SLC12A7: variants seen among roughly 807,000 people sequenced by gnomAD.
SLC12A7 encodes solute carrier family 12 member 7, also known as K-Cl cotransporter 4.
Under a neutral mutation model 120.6 loss-of-function variants are expected in SLC12A7, and 100 were observed. That is an observed-to-expected ratio of 0.83 (90% CI 0.71 to 0.98). The LOEUF (loss-of-function observed/expected upper bound fraction) is 0.98, where lower values mean the gene tolerates loss of function less well. Ranked by LOEUF, SLC12A7 falls within the 50% of genes least tolerant of loss-of-function variation. The pLI is 0.00. For missense variants in SLC12A7, 1,373 were observed against 1,548.1 expected, an observed-to-expected ratio of 0.89 and a Z score of 1.90; for synonymous variants, 760 against 678.0, an observed-to-expected ratio of 1.12 and a Z score of -1.88.
At chr5:1,102,879 A>G (rs4314449) in intron 1 of SLC12A7, among the ~76,000 whole-genome samples, 101,506 of 151,796 alleles carry the variant, frequency 0.67, 33,998 homozygotes, top group African/African-American at 0.7. Context: ...AGCACCCCCC[A>G]CCCAACCCCA....
chr5:1,083,717 G>A (rs970354642), intron 8 of SLC12A7, 28 bp downstream of exon 8: 3 of 1,607,450 alleles, frequency 1.9e-6, no homozygotes, highest in Admixed American at 3.3e-5. Context: ...CCACCCCCCA[G>A]CTCCAGCTGC....
intron 8 of SLC12A7, 88 bp from the exon 9 acceptor site, chr5:1,081,832 C>G: frequency 1.0e-5 from 15 of 1,495,264 alleles, no homozygotes; most frequent in Non-Finnish European, 1.4e-5. Flanking sequence ...GCAGGTGCCA[C>G]TGGTGGCCGG....
Position 1,096,777 on chromosome 5 carries a change from G to GAA in SLC12A7, c.125-2530_125-2529insTT, listed in dbSNP as rs1741238575. Among the ~76,000 whole-genome samples, 36 of 10,644 alleles carry GAA rather than the reference G, an allele frequency of 3.4e-3. 1 individual carries two copies. The highest frequency in any genetic ancestry group is 0.018 in the East Asian group (2 of 114). The allele number at this position is 10,644 out of a possible 152,430, so 7.0% of individuals were successfully genotyped here. A position where few individuals can be genotyped will look rare whatever the true frequency, so the allele number is the denominator to read the frequency against. Reference sequence around the variant, plus strand: ...GGAGGGAGGAAGGAAAGGAGGGAGGGGGGGAGGGAGGGAAGGAAGGAGGGA... The same window carrying GAA: ...GGAGGGAGGAAGGAAAGGAGGGAGGGAAGGGGAGGGAGGGAAGGAAGGAGGGA... On this transcript the variant is annotated intron_variant, in intron 1 of 23. Transcript: ENST00000264930.
intron 1 of SLC12A7, 136 bp downstream of exon 1, chr5:1,111,732 G>A (rs1743024517): frequency 3.3e-6 from 3 of 919,246 alleles, no homozygotes; most frequent in South Asian, 1.1e-4. Context: ...GGGGGACCGA[G>A]AACAGGCGGT....
the SLC12A7 span, among the ~76,000 whole-genome samples, chr5:1,155,672 A>G: frequency 6.6e-6 from 1 of 150,846 alleles, no homozygotes; most frequent in Non-Finnish European, 1.5e-5. Flanking sequence ...GCGCGCACCT[A>G]CCGTAGCGGC....
chr5:1,148,811 C>A, the SLC12A7 span, among the ~76,000 whole-genome samples: 1 of 152,184 alleles, frequency 6.6e-6, no homozygotes, highest in Non-Finnish European at 1.5e-5. Context: ...ACTGCAGTCT[C>A]CTGTTTTCAG....
chr5:1,079,335 A>G, intron 10 of SLC12A7, 63 bp downstream of exon 10: 1 of 1,283,174 alleles, frequency 7.8e-7, no homozygotes, highest in South Asian at 1.2e-5. Flanking sequence ...TGAGCCGGGG[A>G]GGGCATGGGG....
At chr5:1,086,816 T>C in intron 6 of SLC12A7, 87 bp downstream of exon 6, 5 of 1,536,608 alleles carry the variant, frequency 3.3e-6, no homozygotes, top group Non-Finnish European at 4.4e-6. Context: ...CAGTGTGCTG[T>C]GTGTGCCACA....
At chr5:1,059,758 C>CG (rs1235121465) in intron 21 of SLC12A7, among the ~76,000 whole-genome samples, 1 of 107,620 alleles carries the variant, frequency 9.3e-6, no homozygotes, top group Non-Finnish European at 1.8e-5. Flanking sequence ...AGGTCTGTGT[C>CG]GGGGGGTGGG....
Position 1,050,974 on chromosome 5 carries a change from A to C in SLC12A7, c.*1386T>G. ...GCCAGACGTAGCCCAAGGCCTGGCC[A>C]TCTGGGGCCTCTAGTATATAGAAGC... On this transcript the variant is annotated 3_prime_UTR_variant, in exon 24 of 24. Coordinates refer to ENST00000264930, the MANE Select transcript of SLC12A7 (RefSeq NM_006598.3). 1 of 398,676 alleles carries C rather than the reference A, an allele frequency of 2.5e-6. No individual in the cohort carries two copies. Among genetic ancestry groups the C allele is most frequent in the Non-Finnish European group, 4.4e-6 (1 of 226,076 alleles). 24.7% of individuals were successfully genotyped at this position (398,676 alleles called of 1,614,324 possible). A position where few individuals can be genotyped will look rare whatever the true frequency, so the allele number is the denominator to read the frequency against.
At chr5:1,099,052 C>T (rs572959486) in intron 1 of SLC12A7, among the ~76,000 whole-genome samples, 1 of 152,176 alleles carries the variant, frequency 6.6e-6, no homozygotes, top group South Asian at 2.1e-4. Flanking sequence ...GGGCAGGGTC[C>T]TTGCCAGGTG....
intron 16 of SLC12A7, among the ~76,000 whole-genome samples, 164 bp downstream of exon 16, chr5:1,074,403 C>G (rs1208400694): frequency 6.6e-6 from 1 of 152,244 alleles, no homozygotes; most frequent in Non-Finnish European, 1.5e-5. Context: ...CCCCGGCCCC[C>G]AGCTGCGCCA....
chr5:1,139,828 C>T, the SLC12A7 span, among the ~76,000 whole-genome samples: 557 of 152,346 alleles, frequency 3.7e-3, 3 homozygotes, highest in African/African-American at 0.013. Context: ...TACGTCCCCA[C>T]GGTTCTGGGA....
chr5:1,155,762 G>C, the SLC12A7 span, among the ~76,000 whole-genome samples: 1 of 150,940 alleles, frequency 6.6e-6, no homozygotes, highest in African/African-American at 2.4e-5. Flanking sequence ...CCAGGCCGGG[G>C]TCGGGGGCCC....
intron 1 of SLC12A7, 65 bp from the exon 2 acceptor site, chr5:1,094,313 C>T: frequency 8.3e-7 from 1 of 1,200,810 alleles, no homozygotes; most frequent in Non-Finnish European, 1.2e-6. Flanking sequence ...AGAAGGCCAA[C>T]TACAGATCTT....
At chr5:1,107,822 G>A (rs1742646233) in intron 1 of SLC12A7, among the ~76,000 whole-genome samples, 1 of 152,164 alleles carries the variant, frequency 6.6e-6, no homozygotes, top group African/African-American at 2.4e-5. Flanking sequence ...AGTCCACGAG[G>A]CAAAGGTCTC....
intron 2 of SLC12A7, 148 bp from the exon 3 acceptor site, chr5:1,093,803 T>C (rs1201188945): frequency 1.0e-5 from 13 of 1,259,630 alleles, no homozygotes; most frequent in Non-Finnish European, 1.3e-5. Context: ...TGGACACCTG[T>C]GTGGCAGGTC....
At chr5:1,074,757 G>T in intron 15 of SLC12A7, 86 bp from the exon 16 acceptor site, 1 of 1,262,728 alleles carries the variant, frequency 7.9e-7, no homozygotes, top group Non-Finnish European at 1.1e-6. Flanking sequence ...GGGGGCAGGT[G>T]AGTTGGGGCA....
rs752196213 is a variant in SLC12A7 at position 1,111,916 on chromosome 5, C to A, written c.76G>T (p.Glu26Ter). ...GGGDETAERT[E>*]APGTPEGPEP... ...GGGCCCTCGGGGGTGCCCGGAGCCT[C>A]CGTCCGCTCGGCAGTCTCGTCCCCG... The change falls in exon 1 of 24, where the codon GAG (glutamate) becomes TAG (stop). Residue 26 changes from glutamate to a stop codon, truncating the protein, a stop_gained. Coordinates refer to ENST00000264930, the MANE Select transcript of SLC12A7 (RefSeq NM_006598.3). LOFTEE classifies it high-confidence loss of function. 1 of 1,262,704 alleles carries A rather than the reference C, an allele frequency of 7.9e-7. No individual in the cohort carries two copies. Among genetic ancestry groups the A allele is most frequent in the Non-Finnish European group, 1.0e-6 (1 of 1,002,010 alleles). 78.2% of individuals were successfully genotyped at this position (1,262,704 alleles called of 1,614,324 possible).
Sources: gnomAD v4.1 joint callset for allele counts (sites outside exome capture counted in the v4.1 genomes callset) on GRCh38, gnomAD v4.1.1 for gene constraint, MANE v1.5 for transcripts, NCBI Gene and HGNC (gene_info 2026-07-23, HGNC 2026-07-21) for gene names.